Variants in BACH2 observed in about 807,000 individuals in gnomAD.
BACH2 encodes the protein BACH transcriptional regulator 2.
Under a neutral mutation model 61.8 loss-of-function variants are expected in BACH2, and 5 were observed. That is an observed-to-expected ratio of 0.08 (90% confidence interval 0.04 to 0.17). BACH2 has a LOEUF of 0.17. BACH2 is among the 10% of genes least tolerant of loss of function. The pLI is 1.00. For synonymous variants in BACH2, 446 were observed against 440.1 expected, an observed-to-expected ratio of 1.01 and a Z score of -0.17; for missense variants, 824 against 1,091.1, an observed-to-expected ratio of 0.76 and a Z score of 3.45.
chr6:90,178,238 T>C (rs1038429846), intron 4 of BACH2, among the ~76,000 whole-genome samples: 2 of 152,136 alleles, frequency 1.3e-5, no homozygotes, highest in African/African-American at 4.8e-5. Flanking sequence ...AACACTGAAT[T>C]TCCCAGCTTC....
rs1554244355 is a variant in BACH2, at chr6:90,092,315, T to TAC, written c.-161-3208_-161-3207dup. On this transcript the variant is annotated intron_variant, in intron 4 of 8. Transcript: ENST00000257749. ...AAATATATATATATATATATATATA[T>TAC]ACACACACACACATTGCATCACTTG... Among the ~76,000 whole-genome samples the TAC allele has an allele frequency of 5.9e-3, 657 of 111,288 alleles. 21 individuals are homozygous for TAC. The highest frequency in any genetic ancestry group is 0.018 in the African/African-American group (487 of 27,628). The allele number at this position is 111,288 out of a possible 152,430, so 73.0% of individuals were successfully genotyped here.
chr6:89,973,052 T>C (rs1259109908), intron 6 of BACH2, among the ~76,000 whole-genome samples: 1 of 152,180 alleles, frequency 6.6e-6, no homozygotes, highest in Non-Finnish European at 1.5e-5. Flanking sequence ...ATTGTGCCAC[T>C]GCACTCCAGC....
intron 3 of BACH2, among the ~76,000 whole-genome samples, chr6:90,241,225 A>G (rs376162849): frequency 6.6e-6 from 1 of 151,826 alleles, no homozygotes; most frequent in South Asian, 2.1e-4. Context: ...TAATGTGATA[A>G]TGTATCACTT....
intron 4 of BACH2, among the ~76,000 whole-genome samples, chr6:90,178,487 C>T (rs1358812852): frequency 3.3e-5 from 5 of 152,286 alleles, no homozygotes; most frequent in South Asian, 2.1e-4. Context: ...AGTGCGTAAA[C>T]GCTAACTGTA....
rs542212089 is a variant in BACH2, at chr6:89,964,601, G to A, written c.244-12739C>T. Among the ~76,000 whole-genome samples, 9 of 152,248 alleles carry A rather than the reference G, an allele frequency of 5.9e-5. No individual in the cohort carries two copies. In the South Asian group the frequency reaches 1.9e-3, roughly 32 times the overall value. On this transcript the variant is annotated intron_variant, in intron 6 of 8. Transcript: ENST00000257749. ...ATTCCTTTTAGCCAGATTACGACCC[G>A]AATAGCAGTTCTACCTTTGCATCTT... is the stretch of plus-strand genomic sequence containing the variant.
chr6:90,001,089 A>G (rs1021865877), intron 6 of BACH2: 1 of 152,234 alleles, frequency 6.6e-6, no homozygotes, highest in Non-Finnish European at 1.5e-5. Flanking sequence ...TTTTCAGATT[A>G]GGATGTGACT....
intron 8 of BACH2, among the ~76,000 whole-genome samples, chr6:89,933,631 C>G (rs1173023484): frequency 6.6e-6 from 1 of 151,918 alleles, no homozygotes; most frequent in Non-Finnish European, 1.5e-5. Flanking sequence ...GGGAACAGGA[C>G]CATATGGAAA....
In BACH2 at chr6:89,950,453, G is replaced by C; in HGVS notation, c.1653C>G (p.Ser551=). 1.2e-6 allele frequency: 2 copies of C among 1,614,170 alleles called. No individual in the cohort carries two copies. The highest frequency in any genetic ancestry group is 2.2e-5 in the East Asian group (1 of 44,866). ...PLCEFSSSPC[S]QGARFLATEH... The stretch of plus-strand genomic sequence containing the variant: ...CTGTGGCAAGGAATCTGGCTCCCTG[G>C]GAACAGGGCGAGGAGGAGAACTCAC... The change falls in exon 7 of 9, where the codon TCC becomes TCG. Residue 551 remains serine (S), a synonymous_variant. Coordinates refer to ENST00000257749, the MANE Select transcript of BACH2 (RefSeq NM_021813.4). This position sits in a 1 kb window ranked among gnomAD's most constrained non-coding sequence, Gnocchi z 5.3.
Position 90,208,755 on chromosome 6 carries a change from T to C in BACH2, c.-274-2074A>G, listed in dbSNP as rs539196649. On this transcript the variant is annotated intron_variant, in intron 3 of 8. Transcript: ENST00000257749. ...TCTACCATAAAAACACATGCAGATA[T>C]ATGTTTATTGCAGCACTGTTCACAA... 6.6e-5 allele frequency among the ~76,000 whole-genome samples: 10 copies of C among 152,320 alleles called. No individual in the cohort carries two copies. In the East Asian group the frequency reaches 1.7e-3, roughly 26 times the overall value.
chr6:90,057,958 T>C (rs561197090), intron 5 of BACH2, among the ~76,000 whole-genome samples: 176 of 152,338 alleles, frequency 1.2e-3, no homozygotes, highest in African/African-American at 4.2e-3. Flanking sequence ...AATTAGGGAT[T>C]GATGGGACGT....
rs558141165 is a variant in BACH2, at chr6:89,954,050, C to T, written c.244-2188G>A. Among the ~76,000 whole-genome samples the T allele has an allele frequency of 2.8e-4, 43 of 152,052 alleles. No individual in the cohort carries two copies. In the East Asian group the frequency reaches 7.1e-3, roughly 25 times the overall value. On this transcript the variant is annotated intron_variant, in intron 6 of 8. Transcript: ENST00000257749. ...CAAGGAAATGTGTATTTATAGGTAA[C>T]TGAAGAAGATGACAAGAATGTCACA...
chr6:90,211,214 A>G (rs1032498386), intron 3 of BACH2, among the ~76,000 whole-genome samples: 2 of 150,942 alleles, frequency 1.3e-5, no homozygotes, highest in Admixed American at 1.3e-4. Context: ...GATATAAAGA[A>G]TGGAGAAAAA....
At position 90,032,442 on chromosome 6, in the gene BACH2, T is replaced by G. The variant is rs549202300; in HGVS notation, c.-12-23586A>C. On this transcript the variant is annotated intron_variant, in intron 5 of 8. Transcript: ENST00000257749. ...GCAACCTACAGAATTGGAGGAAATT[T>G]TTGTAATCTACTCATCTGACAAAAG... Among the ~76,000 whole-genome samples the G allele has an allele frequency of 7.8e-4, 88 of 112,768 alleles. 1 individual carries two copies. The highest frequency in any genetic ancestry group is 3.9e-3 in the African/African-American group (78 of 20,014). The allele number at this position is 112,768 out of a possible 152,430, so 74.0% of individuals were successfully genotyped here.
intron 4 of BACH2, among the ~76,000 whole-genome samples, chr6:90,144,425 G>A (rs886090718): frequency 6.6e-6 from 1 of 152,216 alleles, no homozygotes; most frequent in African/African-American, 2.4e-5. Flanking sequence ...GGAGCCAAGA[G>A]AAGAGCTGGA....
At chr6:90,071,753 G>A (rs550023498) in intron 5 of BACH2, among the ~76,000 whole-genome samples, 36 of 152,258 alleles carry the variant, frequency 2.4e-4, no homozygotes, top group Admixed American at 9.2e-4. Flanking sequence ...GCCGGCTGTT[G>A]GCTGAAAGCC....
chr6:90,242,982 C>T (rs373074658), intron 3 of BACH2, among the ~76,000 whole-genome samples: 7 of 150,696 alleles, frequency 4.6e-5, no homozygotes, highest in Non-Finnish European at 8.8e-5. Flanking sequence ...CGAGTTCAAG[C>T]GATTCTCCTG....
chr6:90,004,863 A>G (rs1451268041), intron 6 of BACH2, among the ~76,000 whole-genome samples: 3 of 152,226 alleles, frequency 2.0e-5, no homozygotes, highest in Non-Finnish European at 4.4e-5. Flanking sequence ...TATGTAATGA[A>G]AGTACTAAGT....
chr6:90,176,191 A>G (rs192535986), intron 4 of BACH2, among the ~76,000 whole-genome samples: 41 of 152,180 alleles, frequency 2.7e-4, no homozygotes, highest in Admixed American at 2.1e-3. Flanking sequence ...GGCTGTACTG[A>G]TTTTATCACA....
chr6:90,210,312 AACACACACACACACAC>A (rs3072671), intron 3 of BACH2, among the ~76,000 whole-genome samples: 12 of 147,132 alleles, frequency 8.2e-5, no homozygotes, highest in Admixed American at 2.0e-4. Flanking sequence ...ACCCCAAAAC[AACACACACACACACAC>A]ACACACACAC....
Sources: gnomAD v4.1 joint callset for allele counts (sites outside exome capture counted in the v4.1 genomes callset) on GRCh38, gnomAD v4.1.1 for gene constraint, Gnocchi (gnomAD v3.1) non-coding constraint, MANE v1.5 for transcripts, NCBI Gene and HGNC (gene_info 2026-07-23, HGNC 2026-07-21) for gene names.